DST: variants seen among roughly 807,000 people sequenced by gnomAD.
The protein encoded by DST is bullous pemphigoid antigen.
Under a neutral mutation model 875.2 loss-of-function variants are expected in DST, and 253 were observed. That is an observed-to-expected ratio of 0.29 (90% CI 0.26 to 0.32). The LOEUF is 0.32. DST is among the 10% of genes least tolerant of loss of function. DST has a pLI of 1.00. For missense variants in DST, 8,287 were observed against 9,111.6 expected, an observed-to-expected ratio of 0.91 and a Z score of 3.68; for synonymous variants, 3,124 against 3,197.1, an observed-to-expected ratio of 0.98 and a Z score of 0.77.
chr6:56,668,971 T>C (rs1282661062), intron 10 of DST, among the ~76,000 whole-genome samples: 1 of 151,952 alleles, frequency 6.6e-6, no homozygotes, highest in Non-Finnish European at 1.5e-5. Context: ...AGAGCTGGTT[T>C]TGAGTCTTAA....
intron 4 of DST, among the ~76,000 whole-genome samples, chr6:56,819,754 C>T (rs904131047): frequency 1.3e-5 from 2 of 150,382 alleles, no homozygotes; most frequent in African/African-American, 4.9e-5. Context: ...GTTAATGTTG[C>T]AATGAACAAA....
intron 95 of DST, 138 bp from the exon 96 acceptor site, chr6:56,470,420 AT>A: frequency 1.7e-6 from 1 of 592,186 alleles, no homozygotes; most frequent in Non-Finnish European, 2.7e-6. Context: ...TAAAAAACTG[AT>A]TTACATCACA....
At chr6:56,694,460 C>T (rs114636941) in intron 9 of DST, among the ~76,000 whole-genome samples, 1,734 of 152,118 alleles carry the variant, frequency 0.011, 27 homozygotes, top group African/African-American at 0.04. Context: ...AAACATTCTC[C>T]GGTAGCAAAA....
chr6:56,786,526 G>A (rs2099705934), intron 4 of DST, among the ~76,000 whole-genome samples: 1 of 151,890 alleles, frequency 6.6e-6, no homozygotes, highest in Admixed American at 6.6e-5. Context: ...GTACCTTTTG[G>A]TTTTGTTTTG....
intron 5 of DST, among the ~76,000 whole-genome samples, chr6:56,717,361 G>A (rs1046013539): frequency 6.6e-6 from 1 of 152,064 alleles, no homozygotes; most frequent in South Asian, 2.1e-4. Flanking sequence ...ACCTCCTGCT[G>A]TAACAGGCCA....
chr6:56,730,795 T>C (rs2099494453), intron 5 of DST, among the ~76,000 whole-genome samples: 2 of 152,188 alleles, frequency 1.3e-5, no homozygotes, highest in Admixed American at 6.5e-5. Context: ...CTTAAAAGTA[T>C]TCTGAAGAAT....
rs1348618418 is a variant in DST, at chr6:56,578,799, A to G, written c.13027+15T>C. ...TTTACCTGTGAGACAGGAAGCAAGG[A>G]CATGAATATCTTACCAAGTGTTTTC... On this transcript the variant is annotated intron_variant, in intron 50 of 103. Transcript: ENST00000680361. 3 of 1,611,162 alleles carry G rather than the reference A, an allele frequency of 1.9e-6. No homozygotes were observed. The highest frequency in any genetic ancestry group is 2.5e-6 in the Non-Finnish European group (3 of 1,178,732).
chr6:56,634,244 T>C lies in DST; in HGVS notation c.3509A>G (p.Tyr1170Cys), dbSNP rs1440064089. The C allele has an allele frequency of 1.2e-6, 2 of 1,613,908 alleles. No homozygotes were observed. The highest frequency in any genetic ancestry group is 1.7e-6 in the Non-Finnish European group (2 of 1,180,038). The change falls in exon 27 of 104, where the codon TAT becomes TGT. Residue 1170 changes from tyrosine to cysteine, a missense_variant. By Grantham distance (194) the Tyr-to-Cys change is radical (BLOSUM62 -2). Transcript: ENST00000680361. ...ATGCCAAAGAGTCAGGACATTCTGA[T>C]ACTGTTGCTCAATTCTGAAATACAT... The part of the protein sequence containing the change: ...VDLANRIEQQ[Y>C]QNVLTLWHES...
At chr6:56,766,124 G>A (rs2099632742) in intron 4 of DST, among the ~76,000 whole-genome samples, 1 of 152,126 alleles carries the variant, frequency 6.6e-6, no homozygotes, top group Admixed American at 6.5e-5. Flanking sequence ...ATTAATTGAA[G>A]CATGGATTCA....
intron 49 of DST, among the ~76,000 whole-genome samples, chr6:56,583,003 C>T (rs947450096): frequency 7.9e-5 from 12 of 152,128 alleles, no homozygotes; most frequent in Non-Finnish European, 1.0e-4. Flanking sequence ...CATTGTTGGA[C>T]ATTTGGGTTG....
At chr6:56,532,311 C>T (rs1381158756) in intron 64 of DST, 33 bp downstream of exon 64, 2 of 1,603,690 alleles carry the variant, frequency 1.2e-6, no homozygotes, top group East Asian at 2.2e-5. Context: ...GCCACTGCTA[C>T]TCTTTCAAAA....
intron 69 of DST, among the ~76,000 whole-genome samples, chr6:56,519,970 CT>C (rs1425898793): frequency 3.3e-5 from 5 of 152,194 alleles, no homozygotes; most frequent in Non-Finnish European, 7.3e-5. Context: ...ATGAGTACTT[CT>C]GAATGTTCAC....
intron 9 of DST, among the ~76,000 whole-genome samples, chr6:56,671,115 A>G (rs927218444): frequency 2.0e-5 from 3 of 152,258 alleles, no homozygotes; most frequent in African/African-American, 7.2e-5. Flanking sequence ...CATTTTACAT[A>G]TAGGAAATCT....
chr6:56,785,011 G>GGTATCAGCGGCAGTGTCTGCA (rs1455192695), intron 4 of DST, among the ~76,000 whole-genome samples: 2 of 152,150 alleles, frequency 1.3e-5, no homozygotes, highest in African/African-American at 4.8e-5. Flanking sequence ...TGTTTGCCTG[G>GGTATCAGCGGCAGTGTCTGCA]GTATCAGCGG....
At chr6:56,950,989 G>C (rs1821996497) in intron 2 of DST, among the ~76,000 whole-genome samples, 1 of 152,170 alleles carries the variant, frequency 6.6e-6, no homozygotes, top group Non-Finnish European at 1.5e-5. Context: ...CTCAGATGAG[G>C]AAGGTGGCTT....
chr6:56,488,393 G>T (rs1029966460), intron 86 of DST, among the ~76,000 whole-genome samples: 7 of 152,158 alleles, frequency 4.6e-5, no homozygotes, highest in Non-Finnish European at 1.0e-4. Flanking sequence ...TGAGAAGGAA[G>T]CTCTCATTTC....
intron 80 of DST, 131 bp from the exon 81 acceptor site, chr6:56,498,184 T>A (rs988787683): frequency 1.1e-6 from 1 of 908,034 alleles, no homozygotes; most frequent in African/African-American, 1.7e-5. Flanking sequence ...ATTTTAATTT[T>A]TTTTAAAGAG....
chr6:56,934,560 T>TTTTATATATATATATATATATATATA lies in DST; in HGVS notation c.216+19224_216+19225insTATATATATATATATATATATATAAA, dbSNP rs869186436. ...TAAAATATACATATTATATATTATA[T>TTTTATATATATATATATATATATATA]TATATATATATATATATATATATAT... On this transcript the variant is annotated intron_variant, in intron 2 of 103. Transcript: ENST00000680361. 2.7e-3 allele frequency among the ~76,000 whole-genome samples: 290 copies of TTTTATATATATATATATATATATATA among 106,438 alleles called. 15 individuals carry two copies. Among genetic ancestry groups the TTTTATATATATATATATATATATATA allele is most frequent in the Non-Finnish European group, 4.3e-3 (223 of 52,286 alleles). 69.8% of individuals were successfully genotyped at this position (106,438 alleles called of 152,430 possible). A position where few individuals can be genotyped will look rare whatever the true frequency, so the allele number is the denominator to read the frequency against.
chr6:56,529,413 G>GA (rs1334146802), intron 66 of DST, 35 bp downstream of exon 66: 11 of 1,377,952 alleles, frequency 8.0e-6, no homozygotes, highest in Non-Finnish European at 9.5e-6. Context: ...CAATTGAAAT[G>GA]AAAAAATAAG....
Sources: gnomAD v4.1 joint callset for allele counts (sites outside exome capture counted in the v4.1 genomes callset) on GRCh38, gnomAD v4.1.1 for gene constraint, MANE v1.5 for transcripts, NCBI Gene and HGNC (gene_info 2026-07-23, HGNC 2026-07-21) for gene names.